Variants in DOCK8 observed in about 807,000 individuals in gnomAD.
The protein encoded by DOCK8 is dedicator of cytokinesis protein 8.
A neutral mutation model predicts 245.6 loss-of-function variants in DOCK8; 141 were observed. The ratio of observed to expected loss-of-function variants is 0.57; its 90% CI spans 0.50 to 0.66. The LOEUF (loss-of-function observed/expected upper bound fraction) is 0.66. Among genes scored for constraint, DOCK8 ranks in the 30% least tolerant of loss-of-function variants. DOCK8 has a pLI of 0.00. For missense variants in DOCK8, 2,965 were observed against 2,603.4 expected (o/e 1.14, Z -3.02); for synonymous variants, 1,168 against 970.2 (o/e 1.20, Z -3.79).
intron 28 of DOCK8, among the ~76,000 whole-genome samples, chr9:413,324 AATC>A (rs1166804970): frequency 6.6e-6 from 1 of 152,226 alleles, no homozygotes; most frequent in African/African-American, 2.4e-5. Context: ...TTATAGAGGT[AATC>A]ATCATAGACT....
At chr9:405,201 G>A in intron 27 of DOCK8, 128 bp downstream of exon 27, 1 of 943,754 alleles carries the variant, frequency 1.1e-6, no homozygotes, top group Non-Finnish European at 1.6e-6. Flanking sequence ...ATTCAAACCA[G>A]ATCAAGTATG....
chr9:397,019 T>A, intron 25 of DOCK8, 85 bp downstream of exon 25: 1 of 1,406,438 alleles, frequency 7.1e-7, no homozygotes. Flanking sequence ...AAGCATCATT[T>A]TAAAACAATA....
intron 32 of DOCK8, 46 bp from the exon 33 acceptor site, chr9:422,002 G>A (rs1450659072): frequency 5.4e-6 from 8 of 1,491,052 alleles, no homozygotes; most frequent in Non-Finnish European, 7.5e-6. Context: ...TATCTTGGAG[G>A]GTTTCATGCT....
intron 30 of DOCK8, 120 bp from the exon 31 acceptor site, chr9:420,281 A>G (rs1308120741): frequency 9.4e-7 from 1 of 1,066,810 alleles, no homozygotes; most frequent in Non-Finnish European, 1.4e-6. Context: ...GCAGTGATGT[A>G]CAGTCATGGT....
chr9:279,783 T>A (rs2048501778), intron 2 of DOCK8, among the ~76,000 whole-genome samples: 1 of 152,218 alleles, frequency 6.6e-6, no homozygotes, highest in Non-Finnish European at 1.5e-5. Flanking sequence ...GAAACATGCA[T>A]GAGGATACAG....
At chr9:383,171 G>A (rs2053797414) in intron 22 of DOCK8, among the ~76,000 whole-genome samples, 1 of 151,804 alleles carries the variant, frequency 6.6e-6, no homozygotes, top group Admixed American at 6.6e-5. Flanking sequence ...AGGCCGAGGC[G>A]GGCGGATTAC....
At chr9:262,996 C>A (rs1465538056) in intron 1 of DOCK8, among the ~76,000 whole-genome samples, 2 of 152,094 alleles carry the variant, frequency 1.3e-5, no homozygotes, top group Non-Finnish European at 2.9e-5. Flanking sequence ...CACCTGAGGT[C>A]AGGAGTTGAA....
At chr9:212,888 A>G (rs1016161839), upstream of DOCK8, 1 of 152,228 alleles carries the variant, frequency 6.6e-6, no homozygotes, top group African/African-American at 2.4e-5. Flanking sequence ...ATGAAAATGT[A>G]TGTCATAAAC....
intron 43 of DOCK8, among the ~76,000 whole-genome samples, chr9:443,924 C>T (rs1215894431): frequency 1.3e-5 from 2 of 152,160 alleles, no homozygotes; most frequent in East Asian, 3.9e-4. Flanking sequence ...CTTCTGAACC[C>T]CTACTCTTCA....
intron 33 of DOCK8, among the ~76,000 whole-genome samples, chr9:422,840 C>T (rs1162916970): frequency 6.6e-6 from 1 of 152,072 alleles, no homozygotes; most frequent in Admixed American, 6.6e-5. Flanking sequence ...GAAAAATTAG[C>T]TGGGCATGAT....
chr9:323,093 CAAA>C (rs141746047), intron 7 of DOCK8, among the ~76,000 whole-genome samples: 6 of 100,312 alleles, frequency 6.0e-5, no homozygotes, highest in South Asian at 3.4e-4. Context: ...AACTCCATCT[CAAA>C]AAAAAAAAAA....
At chr9:386,638 C>G (rs1486343218) in intron 23 of DOCK8, among the ~76,000 whole-genome samples, 1 of 152,216 alleles carries the variant, frequency 6.6e-6, no homozygotes, top group Non-Finnish European at 1.5e-5. Context: ...CTCCCACTTT[C>G]TCATGCATCA....
intron 4 of DOCK8, among the ~76,000 whole-genome samples, chr9:296,335 T>A (rs931071098): frequency 6.6e-6 from 1 of 152,228 alleles, no homozygotes; most frequent in Non-Finnish European, 1.5e-5. Context: ...GGGATAAACT[T>A]CAGAATGTTT....
At chr9:348,528 G>A (rs2052011672) in intron 14 of DOCK8, among the ~76,000 whole-genome samples, 1 of 152,212 alleles carries the variant, frequency 6.6e-6, no homozygotes, top group South Asian at 2.1e-4. Flanking sequence ...TCAGCAGGAA[G>A]CTTCATGAGG....
intron 33 of DOCK8, 90 bp downstream of exon 33, chr9:422,225 T>C: frequency 9.6e-7 from 1 of 1,045,910 alleles, no homozygotes; most frequent in Non-Finnish European, 1.5e-6. Context: ...AACTGCATCC[T>C]TCCAAGGGTT....
intron 18 of DOCK8, among the ~76,000 whole-genome samples, chr9:375,189 A>G (rs1326450504): frequency 6.6e-6 from 1 of 152,192 alleles, no homozygotes; most frequent in African/African-American, 2.4e-5. Flanking sequence ...ACTGCTTCAG[A>G]TAGCTTTAAA....
intron 1 of DOCK8, among the ~76,000 whole-genome samples, chr9:261,085 C>CA (rs546281564): frequency 0.043 from 2,645 of 61,730 alleles, 39 homozygotes; most frequent in South Asian, 0.088. Flanking sequence ...GACTCCGTCT[C>CA]AAAAAAAAAA....
chr9:257,883 G>A (rs1315364202), intron 1 of DOCK8, among the ~76,000 whole-genome samples: 3 of 152,210 alleles, frequency 2.0e-5, no homozygotes, highest in South Asian at 2.1e-4. Context: ...TAGGTCTGGC[G>A]GAGGCCTGAT....
At chr9:351,318 C>G (rs1282973760) in intron 14 of DOCK8, among the ~76,000 whole-genome samples, 1 of 152,184 alleles carries the variant, frequency 6.6e-6, no homozygotes, top group Non-Finnish European at 1.5e-5. Context: ...GAGTGGCACC[C>G]TGGTCTTGGG....
Sources: allele counts gnomAD v4.1 joint callset (sites outside exome capture counted in the v4.1 genomes callset), GRCh38; gene constraint gnomAD v4.1.1; transcripts MANE v1.5; gene names NCBI Gene and HGNC (gene_info 2026-07-23, HGNC 2026-07-21).